STAU2: variants seen among roughly 807,000 people sequenced by gnomAD.
The protein encoded by STAU2 is double-stranded RNA-binding protein Staufen homolog 2.
A neutral mutation model predicts 65.9 loss-of-function variants in STAU2; 20 were observed. The observed-to-expected ratio is 0.30, with a 90% CI of 0.21 to 0.44. STAU2 has a LOEUF of 0.44. Among genes scored for constraint, STAU2 ranks in the 20% least tolerant of loss-of-function variants. The probability of loss-of-function intolerance (pLI) is 1.00; values close to 1 mark genes in which losing one functional copy is unlikely to be tolerated. For missense variants in STAU2, 558 were observed against 683.9 expected, an observed-to-expected ratio of 0.82 and a Z score of 2.05; for synonymous variants, 232 against 233.9, an observed-to-expected ratio of 0.99 and a Z score of 0.07.
Position 73,613,799 on chromosome 8 carries a change from G to A in STAU2, c.836C>T (p.Pro279Leu). The A allele has an allele frequency of 6.2e-7, 1 of 1,613,508 alleles. No individual in the cohort carries two copies. Among genetic ancestry groups the A allele is most frequent in the Non-Finnish European group, 8.5e-7 (1 of 1,179,736 alleles). ...LQELKKLPPL[P>L]VVEKPKLFFK... ...AAATAGTTTTGGCTTTTCCACCACA[G>A]GAAGAGGTGGAAGTTTTTTAAGCTC... is the stretch of plus-strand genomic sequence containing the variant. The change falls in exon 9 of 15, where the codon CCT becomes CTT. Residue 279 changes from proline (P) to leucine (L), a missense_variant. Around this residue, in one of 3 missense-constraint regions of STAU2, gnomAD observed 199 missense variants for 299.5 expected, o/e 0.66. Coordinates refer to ENST00000524300, the MANE Select transcript of STAU2 (RefSeq NM_001164380.2).
intron 4 of STAU2, among the ~76,000 whole-genome samples, chr8:73,697,898 G>A (rs188366307): frequency 1.9e-4 from 29 of 152,078 alleles, no homozygotes; most frequent in Middle Eastern, 3.4e-3. Flanking sequence ...TTGCCATCAC[G>A]GTGAAACCCC....
intron 3 of STAU2, among the ~76,000 whole-genome samples, chr8:73,713,115 C>G (rs530316610): frequency 1.3e-5 from 2 of 152,072 alleles, no homozygotes; most frequent in African/African-American, 4.8e-5. Context: ...TTCACTGATA[C>G]GAAACTTGGT....
intron 13 of STAU2, among the ~76,000 whole-genome samples, chr8:73,468,114 G>A (rs1189458356): frequency 6.6e-6 from 1 of 152,142 alleles, no homozygotes; most frequent in Non-Finnish European, 1.5e-5. Flanking sequence ...CAGAGATATA[G>A]ACCAATGGAA....
At chr8:73,637,425 G>C (rs1266042464) in intron 6 of STAU2, among the ~76,000 whole-genome samples, 1 of 133,960 alleles carries the variant, frequency 7.5e-6, no homozygotes, top group Non-Finnish European at 1.5e-5. Flanking sequence ...AAAATCTGAG[G>C]CCAGGAGACA....
chr8:73,724,689 A>T (rs1055994735), intron 3 of STAU2, among the ~76,000 whole-genome samples: 12 of 144,260 alleles, frequency 8.3e-5, no homozygotes, highest in African/African-American at 2.8e-4. Context: ...ATATATATAT[A>T]TATTTTTTTT....
chr8:73,549,984 T>C (rs1807210936), intron 13 of STAU2: 1 of 985,822 alleles, frequency 1.0e-6, no homozygotes, highest in African/African-American at 1.7e-5. Context: ...TTTAAAACTT[T>C]TAACCACAAA....
intron 13 of STAU2, among the ~76,000 whole-genome samples, chr8:73,461,696 G>A (rs1306612836): frequency 6.6e-6 from 1 of 152,034 alleles, no homozygotes; most frequent in African/African-American, 2.4e-5. Context: ...AGACTGTGTA[G>A]GAGGGAGAGA....
intron 13 of STAU2, among the ~76,000 whole-genome samples, chr8:73,533,698 C>T (rs1391234231): frequency 6.6e-6 from 1 of 152,060 alleles, no homozygotes; most frequent in Non-Finnish European, 1.5e-5. Context: ...GAGTTTGAGA[C>T]CAGCATGAGC....
rs1214957357 is a variant in STAU2 at position 73,688,643 on chromosome 8, C to T, written c.274+11G>A. ...TAGCAGACAACATAACAGAAGGAGT[C>T]ACTGCCATACCTGGGTTATTGTTAA... On this transcript the variant is annotated intron_variant, in intron 5 of 14. Coordinates refer to ENST00000524300, the MANE Select transcript of STAU2 (RefSeq NM_001164380.2). 3 of 1,613,700 alleles carry T rather than the reference C, an allele frequency of 1.9e-6. No homozygotes were observed. The highest frequency in any genetic ancestry group is 1.7e-6 in the Non-Finnish European group (2 of 1,179,922).
At chr8:73,548,246 C>A (rs1475453413) in intron 13 of STAU2, among the ~76,000 whole-genome samples, 4 of 149,410 alleles carry the variant, frequency 2.7e-5, no homozygotes, top group South Asian at 2.1e-4. Context: ...AAATGAATAC[C>A]TTATTCTAAA....
chr8:73,675,835 A>C (rs1185753068), intron 5 of STAU2, among the ~76,000 whole-genome samples: 1 of 152,204 alleles, frequency 6.6e-6, no homozygotes, highest in Non-Finnish European at 1.5e-5. Context: ...TGAAATCTGA[A>C]ATGGAGTCTG....
intron 9 of STAU2, among the ~76,000 whole-genome samples, chr8:73,607,781 T>C (rs1812139559): frequency 6.6e-6 from 1 of 152,060 alleles, no homozygotes; most frequent in African/African-American, 2.4e-5. Context: ...CCAAATTATC[T>C]TTCTGCATAT....
In STAU2 at chr8:73,509,712, T is replaced by C. The variant is rs577701295; in HGVS notation, c.1530+42300A>G. 1.4e-4 allele frequency among the ~76,000 whole-genome samples: 22 copies of C among 152,100 alleles called. No individual in the cohort carries two copies. The East Asian group carries it at 2.9e-3, about 20-fold the overall frequency. On this transcript the variant is annotated intron_variant, in intron 13 of 14. Coordinates refer to ENST00000524300, the MANE Select transcript of STAU2 (RefSeq NM_001164380.2). ...AAAAGAAAGGAGCCACATATTTTCC[T>C]TATGTGAAAAAAAATAGGGTTTATG...
intron 3 of STAU2, among the ~76,000 whole-genome samples, chr8:73,718,912 T>C (rs1455379921): frequency 2.6e-5 from 4 of 152,240 alleles, no homozygotes; most frequent in Non-Finnish European, 5.9e-5. Flanking sequence ...TAGTAATTTA[T>C]TAGTTCTAGT....
At chr8:73,641,548 G>T (rs996266013) in intron 6 of STAU2, among the ~76,000 whole-genome samples, 1 of 152,172 alleles carries the variant, frequency 6.6e-6, no homozygotes, top group South Asian at 2.1e-4. Flanking sequence ...CCTAAAGTTT[G>T]CCCTGTATCC....
intron 3 of STAU2, among the ~76,000 whole-genome samples, chr8:73,717,960 G>A (rs1821370845): frequency 6.6e-6 from 1 of 152,142 alleles, no homozygotes; most frequent in Admixed American, 6.5e-5. Context: ...ATAATTTGGT[G>A]AAAATCAACA....
chr8:73,692,588 T>C (rs1283985968), intron 4 of STAU2, among the ~76,000 whole-genome samples: 1 of 152,222 alleles, frequency 6.6e-6, no homozygotes, highest in Non-Finnish European at 1.5e-5. Flanking sequence ...CCCCTGAGTC[T>C]TGTGAGCTGT....
intron 4 of STAU2, among the ~76,000 whole-genome samples, chr8:73,705,168 A>C (rs532494183): frequency 6.6e-6 from 1 of 152,340 alleles, no homozygotes; most frequent in East Asian, 1.9e-4. Context: ...ACAATGCTTA[A>C]GAACTTATAA....
chr8:73,593,686 A>G (rs1810981320), intron 11 of STAU2, among the ~76,000 whole-genome samples: 1 of 152,096 alleles, frequency 6.6e-6, no homozygotes, highest in Admixed American at 6.6e-5. Flanking sequence ...AATCAGCTGA[A>G]GGGCCTGAAC....
Sources: gnomAD v4.1 joint callset for allele counts (sites outside exome capture counted in the v4.1 genomes callset) on GRCh38, gnomAD v4.1.1 for gene constraint, gnomAD v4.1.1 regional missense constraint, MANE v1.5 for transcripts, NCBI Gene and HGNC (gene_info 2026-07-23, HGNC 2026-07-21) for gene names.